Variants in HINFP observed in about 807,000 individuals in gnomAD.
The protein encoded by HINFP is histone H4 transcription factor, also known as MBD2 (methyl-CpG-binding protein)-interacting zinc finger protein.
HINFP carries 20 observed loss-of-function variants against 50.1 expected under a neutral mutation model. That is an observed-to-expected ratio of 0.40 (90% CI 0.28 to 0.58). The LOEUF (loss-of-function observed/expected upper bound fraction) is 0.58. Ranked by LOEUF, HINFP falls within the 20% of genes least tolerant of loss-of-function variation. The probability of loss-of-function intolerance (pLI) is 0.45; values close to 1 mark genes in which losing one functional copy is unlikely to be tolerated. For missense variants in HINFP, 505 were observed against 664.1 expected (o/e 0.76, Z 2.63); for synonymous variants, 247 against 243.7 (o/e 1.01, Z -0.13).
chr11:119,131,082 T>C lies in HINFP; in HGVS notation c.411+128T>C. The C allele has an allele frequency of 3.5e-6, 3 of 850,048 alleles. No homozygotes were observed. The highest frequency in any genetic ancestry group is 5.8e-6 in the Non-Finnish European group (3 of 512,856). 52.7% of individuals were successfully genotyped at this position (850,048 alleles called of 1,614,324 possible). A position where few individuals can be genotyped will look rare whatever the true frequency, so the allele number is the denominator to read the frequency against. ...AGTATCTCTCTTCCATTTCTTTTGC[T>C]CTTTTAAAATTTGTTTATTTTTTAC... On this transcript the variant is annotated intron_variant, in intron 3 of 9. Transcript: ENST00000350777. The surrounding 1 kb of genome is among the most constrained non-coding windows in gnomAD (Gnocchi z 4.2).
In HINFP at chr11:119,135,752, A is replaced by G. The variant is rs617290; in HGVS notation, c.*1254A>G. 0.47 allele frequency: 70,849 copies of G among 151,970 alleles called. 17,655 individuals are homozygous for G. The highest frequency in any genetic ancestry group is 0.9 in the East Asian group (4,650 of 5,174). 9.4% of individuals were successfully genotyped at this position (151,970 alleles called of 1,614,324 possible). A position where few individuals can be genotyped will look rare whatever the true frequency, so the allele number is the denominator to read the frequency against. ...TCTATTACTAGAAAAACTAAGGCTG[A>G]ATGCAGTGGTTCACGCCTGTAATCC... On this transcript the variant is annotated 3_prime_UTR_variant, in exon 10 of 10. Transcript: ENST00000350777.
chr11:119,126,037 TTATC>T (rs1947378417), intron 1 of HINFP: 1 of 152,074 alleles, frequency 6.6e-6, no homozygotes. Flanking sequence ...CTTCAGGTGT[TTATC>T]TATAAATGAG....
chr11:119,129,541 A>G (rs1036496122), intron 2 of HINFP, among the ~76,000 whole-genome samples: 2 of 145,766 alleles, frequency 1.4e-5, no homozygotes, highest in African/African-American at 5.2e-5. Flanking sequence ...GCTCACTGCA[A>G]GGTCCGCCTC....
Position 119,130,892 on chromosome 11 carries a change from C to G in HINFP, c.349C>G (p.Gln117Glu). The G allele has an allele frequency of 6.2e-7, 1 of 1,614,220 alleles. No individual in the cohort carries two copies. The highest frequency in any genetic ancestry group is 8.5e-7 in the Non-Finnish European group (1 of 1,180,036). ...ADLGPCILDF[Q>E]SRNVIPDIPD... ...CCTTGGCCCCTGCATCCTGGACTTC[C>G]AGAGCCGGAACGTCATCCCTGATAT... The change falls in exon 3 of 10, where the codon CAG (glutamine) becomes GAG (glutamate). Residue 117 changes from glutamine to glutamate, a missense_variant. By Grantham distance (29) the Gln-to-Glu change is conservative. Coordinates refer to ENST00000350777, the MANE Select transcript of HINFP (RefSeq NM_198971.3).
At position 119,131,825 on chromosome 11, in the gene HINFP, C is replaced by T. The variant is rs369381253; in HGVS notation, c.524-5C>T. ...GGCAGGAGACTGATAGGGCTTCCTT[C>T]CCAGGCTGTACCTGCACCTTCAAGG... is the stretch of plus-strand genomic sequence containing the variant. On this transcript the variant is annotated splice_polypyrimidine_tract_variant and splice_region_variant and intron_variant, in intron 4 of 9. Transcript: ENST00000350777. This position sits in a 1 kb window ranked among gnomAD's most constrained non-coding sequence, Gnocchi z 4.2. The T allele has an allele frequency of 1.7e-5, 27 of 1,613,676 alleles. No individual in the cohort carries two copies. In the African/African-American group the frequency reaches 2.9e-4, roughly 18 times the overall value.
chr11:119,129,872 C>A (rs1947656618), intron 2 of HINFP: 1 of 152,162 alleles, frequency 6.6e-6, no homozygotes, highest in Non-Finnish European at 1.5e-5. Context: ...CTCTCCTTCT[C>A]CCACCCCAAA....
chr11:119,122,024 T>G (rs1947093873), intron 1 of HINFP: 1 of 152,336 alleles, frequency 6.6e-6, no homozygotes, highest in Non-Finnish European at 1.5e-5. Context: ...GTACTTTGTT[T>G]CGGTCGTTGT....
intron 1 of HINFP, among the ~76,000 whole-genome samples, chr11:119,123,287 T>C (rs1196314268): frequency 6.6e-6 from 1 of 151,922 alleles, no homozygotes; most frequent in Non-Finnish European, 1.5e-5. Context: ...AGCATGATCT[T>C]TGGATTGGAA....
chr11:119,134,163 CGGCAACCACAAGAGGGATCG>C lies in HINFP; in HGVS notation c.1223_1242del (p.Gln408ProfsTer25). On this transcript the variant is annotated frameshift_variant, in exon 10 of 10. Coordinates refer to ENST00000350777, the MANE Select transcript of HINFP (RefSeq NM_198971.3). LOFTEE classifies it low-confidence loss of function (END_TRUNC). The surrounding 1 kb of genome is among the most constrained non-coding windows in gnomAD (Gnocchi z 4.3). Reference sequence around the variant, plus strand: ...TGTAGAGCTGACACAGCAACTGCTGCGGCAACCACAAGAGGGATCGGGCCTGGGAACGTCGCTGAACGAGA... The same window carrying C: ...TGTAGAGCTGACACAGCAACTGCTGCGGCCTGGGAACGTCGCTGAACGAGA... The C allele has an allele frequency of 6.2e-7, 1 of 1,613,920 alleles. No individual in the cohort carries two copies. Among genetic ancestry groups the C allele is most frequent in the Non-Finnish European group, 8.5e-7 (1 of 1,179,974 alleles).
At position 119,131,322 on chromosome 11, in the gene HINFP, C is replaced by G; in HGVS notation, c.412-213C>G. 1 of 591,954 alleles carries G rather than the reference C, an allele frequency of 1.7e-6. No homozygotes were observed. Among genetic ancestry groups the G allele is most frequent in the South Asian group, 1.9e-5 (1 of 52,960 alleles). 36.7% of individuals were successfully genotyped at this position (591,954 alleles called of 1,614,324 possible). On this transcript the variant is annotated intron_variant, in intron 3 of 9. Coordinates refer to ENST00000350777, the MANE Select transcript of HINFP (RefSeq NM_198971.3). This position sits in a 1 kb window ranked among gnomAD's most constrained non-coding sequence, Gnocchi z 4.2. ...CAGGCCGGTCTCGAACTCTTGGCCTCAAGTGATTCTCCTGCCTCAGCCTCT... is the reference window on the plus strand; with the variant it reads ...CAGGCCGGTCTCGAACTCTTGGCCTGAAGTGATTCTCCTGCCTCAGCCTCT...
In HINFP at chr11:119,126,983, G is replaced by T. The variant is rs1947440467; in HGVS notation, c.39G>T (p.Leu13=). The T allele has an allele frequency of 1.2e-6, 2 of 1,613,920 alleles. No individual in the cohort carries two copies. The highest frequency in any genetic ancestry group is 4.5e-5 in the East Asian group (2 of 44,840). ...PPGKVPRKEN[L]WLQCEWGSCS... The stretch of plus-strand genomic sequence containing the variant: ...GGAAAGTTCCCCGAAAGGAGAATCT[G>T]TGGCTACAGTGTGAGTGGGGGTCCT... The change falls in exon 2 of 10, where the codon CTG becomes CTT. Residue 13 remains leucine (L), a synonymous_variant. Transcript: ENST00000350777.
Position 119,131,015 on chromosome 11 carries a change from T to C in HINFP, c.411+61T>C. 7.5e-7 allele frequency: 1 copy of C among 1,336,538 alleles called. No individual in the cohort carries two copies. Among genetic ancestry groups the C allele is most frequent in the Middle Eastern group, 1.8e-4 (1 of 5,518 alleles). 82.8% of individuals were successfully genotyped at this position (1,336,538 alleles called of 1,614,324 possible). A position where few individuals can be genotyped will look rare whatever the true frequency, so the allele number is the denominator to read the frequency against. On this transcript the variant is annotated intron_variant, in intron 3 of 9. Transcript: ENST00000350777. This position sits in a 1 kb window ranked among gnomAD's most constrained non-coding sequence, Gnocchi z 4.2. ...AGCTGGGGGTCTTAACTCTGATGCC[T>C]TGTCCCTTTCAGGGATGCCTTATAT...
intron 9 of HINFP, chr11:119,133,639 C>A: frequency 4.7e-6 from 1 of 214,592 alleles, no homozygotes; most frequent in Non-Finnish European, 9.3e-6. Context: ...TCTGCCATTT[C>A]CATTTAGATT....
At position 119,130,767 on chromosome 11, in the gene HINFP, C is replaced by T. The variant is rs766302573; in HGVS notation, c.224C>T (p.Ser75Phe). Residue 75 changes from serine to phenylalanine, a missense_variant, in exon 3 of 10, where the codon TCT (serine) becomes TTT (phenylalanine). Ser to Phe is a radical substitution (Grantham distance 155). Coordinates refer to ENST00000350777, the MANE Select transcript of HINFP (RefSeq NM_198971.3). ...TTGTGGCAGGAATGTGGCTTTTGTT[C>T]TCTGGACAGTTCTGCTGACCTCATC... Reference protein sequence around the residue: ...SCLWQECGFCSLDSSADLIRH... With the variant: ...SCLWQECGFCFLDSSADLIRH... 1 of 1,614,200 alleles carries T rather than the reference C, an allele frequency of 6.2e-7. No individual in the cohort carries two copies. Among genetic ancestry groups the T allele is most frequent in the South Asian group, 1.1e-5 (1 of 91,078 alleles).
intron 1 of HINFP, 77 bp downstream of exon 1, chr11:119,121,716 C>T (rs969430710): frequency 1.3e-5 from 2 of 152,468 alleles, no homozygotes; most frequent in Non-Finnish European, 2.9e-5. Flanking sequence ...GTATTCTTGC[C>T]GCTTGGCCAC....
Position 119,132,923 on chromosome 11 carries a change from A to G in HINFP, c.935A>G (p.Tyr312Cys). The G allele has an allele frequency of 3.1e-6, 5 of 1,614,242 alleles. No individual in the cohort carries two copies. Among genetic ancestry groups the G allele is most frequent in the Non-Finnish European group, 4.2e-6 (5 of 1,180,032 alleles). The change falls in exon 8 of 10, where the codon TAC (tyrosine) becomes TGC (cysteine). Residue 312 changes from tyrosine (Y) to cysteine (C), a missense_variant. Transcript: ENST00000350777. ...HLDTHSEEPAYRCDFENCTFS... is the reference protein window; with the variant it reads ...HLDTHSEEPACRCDFENCTFS... The stretch of plus-strand genomic sequence containing the variant: ...GATACCCACAGCGAGGAGCCAGCCT[A>G]CAGGTGTGATTTTGAGAACTGCACC...
Position 119,121,621 on chromosome 11 carries a change from G to C in HINFP, c.-29G>C, listed in dbSNP as rs1947056917. ...TCTGAGGTGGGAGAAGAGCTGAAGA[G>C]ACCTGGAGCCGACAGACGGTAAGCT... is the stretch of plus-strand genomic sequence containing the variant. On this transcript the variant is annotated 5_prime_UTR_variant, in exon 1 of 10. Coordinates refer to ENST00000350777, the MANE Select transcript of HINFP (RefSeq NM_198971.3). 6.6e-6 allele frequency: 1 copy of C among 152,364 alleles called. No individual in the cohort carries two copies. Among genetic ancestry groups the C allele is most frequent in the East Asian group, 1.9e-4 (1 of 5,198 alleles). 9.4% of individuals were successfully genotyped at this position (152,364 alleles called of 1,614,324 possible).
chr11:119,127,330 C>A, intron 2 of HINFP: 2 of 449,386 alleles, frequency 4.5e-6, no homozygotes, highest in Non-Finnish European at 7.8e-6. Flanking sequence ...ATCCTGCCAT[C>A]AAGAAGTAAT....
intron 9 of HINFP, 87 bp downstream of exon 9, chr11:119,133,306 C>G (rs61899962): frequency 1.3e-6 from 2 of 1,539,348 alleles, no homozygotes; most frequent in East Asian, 4.5e-5. Context: ...TTGGGTCGGG[C>G]GCGGTGGCTC....
Sources: gnomAD v4.1 joint callset for allele counts (sites outside exome capture counted in the v4.1 genomes callset) on GRCh38, gnomAD v4.1.1 for gene constraint, Gnocchi (gnomAD v3.1) non-coding constraint, MANE v1.5 for transcripts, NCBI Gene and HGNC (gene_info 2026-07-23, HGNC 2026-07-21) for gene names.